LRMDA: variants seen among roughly 807,000 people sequenced by gnomAD.
LRMDA encodes leucine rich melanocyte differentiation associated, also known as leucine-rich melanocyte differentiation-associated protein.
In LRMDA, 18 loss-of-function variants were observed where a neutral mutation model predicts 29.8. The observed-to-expected ratio is 0.60, with a 90% confidence interval of 0.42 to 0.90. LRMDA has a LOEUF of 0.90. Ranked by LOEUF, LRMDA falls within the 40% of genes least tolerant of loss-of-function variation. LRMDA has a pLI of 0.00. For synonymous variants in LRMDA, 125 were observed against 109.4 expected (o/e 1.14, Z -0.89); for missense variants, 273 against 273.9 (o/e 1.00, Z 0.02).
intron 6 of LRMDA, among the ~76,000 whole-genome samples, chr10:76,420,053 A>G (rs1842056675): frequency 6.6e-6 from 1 of 152,058 alleles, no homozygotes; most frequent in South Asian, 2.1e-4. Context: ...AAATGTCAGT[A>G]TAAAATTTTA....
intron 2 of LRMDA, among the ~76,000 whole-genome samples, chr10:75,605,081 C>A (rs916463347): frequency 6.6e-6 from 1 of 152,160 alleles, no homozygotes; most frequent in African/African-American, 2.4e-5. Flanking sequence ...TTAGTTTCAA[C>A]CTGGGTTCCT....
At chr10:75,927,188 T>TAAGCACA (rs1333635173) in intron 2 of LRMDA, among the ~76,000 whole-genome samples, 9 of 152,182 alleles carry the variant, frequency 5.9e-5, no homozygotes, top group Non-Finnish European at 1.5e-5. Context: ...CAAGCCAACT[T>TAAGCACA]ATCTGAGACA....
intron 3 of LRMDA, among the ~76,000 whole-genome samples, chr10:76,040,352 C>T (rs11001597): frequency 1.4e-3 from 211 of 152,312 alleles, no homozygotes; most frequent in African/African-American, 4.7e-3. Context: ...CATCTGCATA[C>T]CTCCTGCTGG....
At chr10:75,868,790 A>G (rs1845061626) in intron 2 of LRMDA, among the ~76,000 whole-genome samples, 1 of 151,836 alleles carries the variant, frequency 6.6e-6, no homozygotes, top group South Asian at 2.1e-4. Context: ...CTCTCTCTCC[A>G]TCCTGGCTCA....
At chr10:75,780,875 G>A (rs1425991117) in intron 2 of LRMDA, among the ~76,000 whole-genome samples, 1 of 152,132 alleles carries the variant, frequency 6.6e-6, no homozygotes, top group Non-Finnish European at 1.5e-5. Context: ...TTCATCAGGG[G>A]CATGTTTGAA....
chr10:76,409,644 G>A (rs1025383440), intron 6 of LRMDA, among the ~76,000 whole-genome samples: 1 of 152,056 alleles, frequency 6.6e-6, no homozygotes, highest in African/African-American at 2.4e-5. Flanking sequence ...CAATGAACAT[G>A]TATAAAGTGG....
intron 6 of LRMDA, among the ~76,000 whole-genome samples, chr10:76,424,103 A>G (rs12415769): frequency 0.11 from 17,253 of 152,182 alleles, 1,295 homozygotes; most frequent in African/African-American, 0.19. Context: ...TCTGTTTTCT[A>G]AGACAATATC....
intron 2 of LRMDA, among the ~76,000 whole-genome samples, chr10:75,618,777 CTTTT>C (rs35897683): frequency 2.6e-5 from 3 of 114,308 alleles, no homozygotes; most frequent in Admixed American, 8.9e-5. Context: ...ATTATTTACT[CTTTT>C]TTTTTTTTTT....
chr10:75,990,520 G>C (rs1245439915), intron 2 of LRMDA, among the ~76,000 whole-genome samples: 2 of 152,098 alleles, frequency 1.3e-5, no homozygotes, highest in South Asian at 2.1e-4. Context: ...GCATTACTTG[G>C]GTGGAATTCA....
intron 5 of LRMDA, among the ~76,000 whole-genome samples, chr10:76,205,917 G>C (rs1247295369): frequency 6.6e-6 from 1 of 152,116 alleles, no homozygotes; most frequent in African/African-American, 2.4e-5. Context: ...CAGAAATGCA[G>C]AATCGTTGAG....
intron 2 of LRMDA, among the ~76,000 whole-genome samples, chr10:75,813,204 C>T (rs1406730105): frequency 6.6e-6 from 1 of 152,182 alleles, no homozygotes; most frequent in African/African-American, 2.4e-5. Flanking sequence ...GAAGGTCTGC[C>T]TTGCACACTG....
At chr10:75,540,699 G>A (rs955376088) in intron 2 of LRMDA, among the ~76,000 whole-genome samples, 1 of 152,100 alleles carries the variant, frequency 6.6e-6, no homozygotes, top group Non-Finnish European at 1.5e-5. Context: ...TTACTTTCTT[G>A]CAGTGCTTAT....
At chr10:76,284,881 C>T (rs759777497) in intron 5 of LRMDA, among the ~76,000 whole-genome samples, 16 of 152,176 alleles carry the variant, frequency 1.1e-4, no homozygotes, top group Non-Finnish European at 1.9e-4. Flanking sequence ...TAAGACATGC[C>T]TTTGCTCCTC....
intron 5 of LRMDA, among the ~76,000 whole-genome samples, chr10:76,122,607 A>G (rs778789242): frequency 5.3e-5 from 8 of 152,178 alleles, no homozygotes; most frequent in African/African-American, 1.7e-4. Flanking sequence ...ATGCTATACA[A>G]ATGTTAGCCA....
chr10:75,695,992 AC>A (rs141539883), intron 2 of LRMDA, among the ~76,000 whole-genome samples: 1 of 152,336 alleles, frequency 6.6e-6, no homozygotes, highest in East Asian at 1.9e-4. Context: ...GGTATATGGT[AC>A]CTGCTGTACC....
At chr10:75,891,640 A>C (rs1241203728) in intron 2 of LRMDA, among the ~76,000 whole-genome samples, 4 of 152,234 alleles carry the variant, frequency 2.6e-5, no homozygotes, top group African/African-American at 9.6e-5. Flanking sequence ...GCTTTGACAT[A>C]ATTTGACTTG....
chr10:75,813,284 G>A (rs1339724898), intron 2 of LRMDA, among the ~76,000 whole-genome samples: 1 of 152,170 alleles, frequency 6.6e-6, no homozygotes, highest in African/African-American at 2.4e-5. Flanking sequence ...ATGACTGGAG[G>A]AGGTCCACTC....
At chr10:75,771,802 G>A (rs1453387267) in intron 2 of LRMDA, among the ~76,000 whole-genome samples, 2 of 152,128 alleles carry the variant, frequency 1.3e-5, no homozygotes, top group Non-Finnish European at 2.9e-5. Context: ...GTGTGGCACA[G>A]GGCTTGAATC....
intron 6 of LRMDA, among the ~76,000 whole-genome samples, chr10:76,337,310 A>G (rs2132414701): frequency 6.6e-6 from 1 of 152,336 alleles, no homozygotes; most frequent in Middle Eastern, 3.4e-3. Context: ...TAAGATAAAA[A>G]TAAAACCACC....
Sources: allele counts gnomAD v4.1 joint callset (sites outside exome capture counted in the v4.1 genomes callset), GRCh38; gene constraint gnomAD v4.1.1; transcripts MANE v1.5; gene names NCBI Gene and HGNC (gene_info 2026-07-23, HGNC 2026-07-21).